TRIM62: variants seen among roughly 807,000 people sequenced by gnomAD.
TRIM62 encodes the protein E3 ubiquitin-protein ligase TRIM62.
A neutral mutation model predicts 44.2 loss-of-function variants in TRIM62; 39 were observed. The ratio of observed to expected loss-of-function variants is 0.88; its 90% CI spans 0.68 to 1.15. TRIM62 has a LOEUF of 1.15. Among genes scored for constraint, TRIM62 ranks in the 50% most tolerant of loss-of-function variants. The pLI, the probability that TRIM62 is intolerant of heterozygous loss-of-function variation, is 0.00. For missense variants in TRIM62, 544 were observed against 665.5 expected (o/e 0.82, Z 2.01); for synonymous variants, 278 against 292.3 (o/e 0.95, Z 0.50).
intron 1 of TRIM62, among the ~76,000 whole-genome samples, chr1:33,174,225 T>C (rs550594798): frequency 4.0e-5 from 6 of 151,848 alleles, no homozygotes; most frequent in Admixed American, 3.9e-4. Context: ...TTGCCCAGGC[T>C]GGCTGTAGTG....
intron 1 of TRIM62, among the ~76,000 whole-genome samples, chr1:33,178,261 G>A (rs747751820): frequency 6.6e-6 from 1 of 152,222 alleles, no homozygotes; most frequent in African/African-American, 2.4e-5. Flanking sequence ...ATCAGCTGCT[G>A]GGAGAGAAGG....
intron 1 of TRIM62, 72 bp downstream of exon 1, chr1:33,180,953 T>TGGGGGGGGG: frequency 2.8e-6 from 2 of 724,330 alleles, no homozygotes; most frequent in Non-Finnish European, 3.9e-6. Flanking sequence ...GGTCCAGCCC[T>TGGGGGGGGG]GACCCCACCC....
At chr1:33,153,607 C>A (rs1327619001) in intron 4 of TRIM62, among the ~76,000 whole-genome samples, 1 of 152,124 alleles carries the variant, frequency 6.6e-6, no homozygotes. Context: ...GTTGAGAAAC[C>A]CTGCACTGGG....
chr1:33,174,945 G>GTATATATATATATA lies in TRIM62; in HGVS notation c.408+6066_408+6079dup, dbSNP rs72310095. 1.6e-4 allele frequency among the ~76,000 whole-genome samples: 22 copies of GTATATATATATATA among 141,744 alleles called. No homozygotes were observed. The East Asian group carries it at 4.2e-3, about 27-fold the overall frequency. 93.0% of individuals were successfully genotyped at this position (141,744 alleles called of 152,430 possible). ...CACACACACACATACATATATGTGTGTATATATATATATATATATATATAC... is the reference window on the plus strand; with the variant it reads ...CACACACACACATACATATATGTGTGTATATATATATATATATATATATATATATATATATATAC... On this transcript the variant is annotated intron_variant, in intron 1 of 4. Transcript: ENST00000291416.
chr1:33,163,298 C>T (rs1645293992), intron 2 of TRIM62: 1 of 152,186 alleles, frequency 6.6e-6, no homozygotes, highest in South Asian at 2.1e-4. Context: ...CTCAGCCTCC[C>T]AAAGTGCTAG....
intron 4 of TRIM62, 93 bp downstream of exon 4, chr1:33,158,159 AC>A: frequency 8.6e-7 from 1 of 1,162,794 alleles, no homozygotes; most frequent in Non-Finnish European, 1.3e-6. Flanking sequence ...CTGCTCATTC[AC>A]CCCAACTGCC....
chr1:33,162,195 A>G (rs947840731), intron 2 of TRIM62, among the ~76,000 whole-genome samples: 1 of 152,136 alleles, frequency 6.6e-6, no homozygotes, highest in Non-Finnish European at 1.5e-5. Flanking sequence ...GCTCCTTGAC[A>G]CATAGTAAAA....
intron 1 of TRIM62, among the ~76,000 whole-genome samples, chr1:33,178,775 G>A (rs1645440150): frequency 6.6e-6 from 1 of 152,240 alleles, no homozygotes; most frequent in Non-Finnish European, 1.5e-5. Flanking sequence ...GAGTAAGCAA[G>A]TGGCAGTCCT....
chr1:33,158,095 T>C (rs1391709530), intron 4 of TRIM62, among the ~76,000 whole-genome samples, 158 bp downstream of exon 4: 1 of 152,172 alleles, frequency 6.6e-6, no homozygotes, highest in East Asian at 1.9e-4. Flanking sequence ...GCTGAGTGAT[T>C]GTGCAGGTGC....
chr1:33,166,590 C>G (rs756933881), intron 1 of TRIM62, among the ~76,000 whole-genome samples: 18 of 152,072 alleles, frequency 1.2e-4, no homozygotes, highest in Non-Finnish European at 2.5e-4. Flanking sequence ...GAAAAAGATA[C>G]AGAGAGGTCA....
intron 1 of TRIM62, among the ~76,000 whole-genome samples, chr1:33,173,919 G>A (rs995295012): frequency 1.3e-5 from 2 of 151,682 alleles, no homozygotes; most frequent in African/African-American, 4.8e-5. Context: ...GGATGGTCTC[G>A]AACTCCTAGC....
In TRIM62 at chr1:33,159,312, T is replaced by C. The variant is rs1052055265; in HGVS notation, c.761+376A>G. Among the ~76,000 whole-genome samples, 2 of 152,062 alleles carry C rather than the reference T, an allele frequency of 1.3e-5. No individual in the cohort carries two copies. Among genetic ancestry groups the C allele is most frequent in the African/African-American group, 4.8e-5 (2 of 41,412 alleles). On this transcript the variant is annotated intron_variant, in intron 3 of 4. Transcript: ENST00000291416. This position sits in a 1 kb window ranked among gnomAD's most constrained non-coding sequence, Gnocchi z 4.2. ...ATTTATATTATGATTGTAAACACTA[T>C]TAAATGCTACCTACTATCTATAATG...
At chr1:33,168,188 T>G (rs2124742780) in intron 1 of TRIM62, among the ~76,000 whole-genome samples, 1 of 152,210 alleles carries the variant, frequency 6.6e-6, no homozygotes, top group East Asian at 1.9e-4. Flanking sequence ...ACAAGCTGCT[T>G]GTTTTGAGAG....
intron 3 of TRIM62, among the ~76,000 whole-genome samples, chr1:33,158,665 A>G (rs1046210089): frequency 6.6e-6 from 1 of 152,198 alleles, no homozygotes; most frequent in Non-Finnish European, 1.5e-5. Context: ...GTCAATGCCA[A>G]ATTCATGATC....
intron 1 of TRIM62, among the ~76,000 whole-genome samples, chr1:33,173,995 G>A (rs950924477): frequency 4.0e-5 from 6 of 151,740 alleles, no homozygotes; most frequent in African/African-American, 1.5e-4. Flanking sequence ...ATAAGCCACT[G>A]TGCTTAGCCT....
At chr1:33,158,846 CT>C (rs568043864) in intron 3 of TRIM62, among the ~76,000 whole-genome samples, 80 of 145,450 alleles carry the variant, frequency 5.5e-4, no homozygotes, top group Non-Finnish European at 5.0e-4. Context: ...TCTTTTTTTT[CT>C]TTTTTTTTTT....
In TRIM62 at chr1:33,159,326, C is replaced by G. The variant is rs1435107954; in HGVS notation, c.761+362G>C. Among the ~76,000 whole-genome samples, 2 of 152,012 alleles carry G rather than the reference C, an allele frequency of 1.3e-5. No homozygotes were observed. The highest frequency in any genetic ancestry group is 2.9e-5 in the Non-Finnish European group (2 of 68,014). On this transcript the variant is annotated intron_variant, in intron 3 of 4. Coordinates refer to ENST00000291416, the MANE Select transcript of TRIM62 (RefSeq NM_018207.3). This position sits in a 1 kb window ranked among gnomAD's most constrained non-coding sequence, Gnocchi z 4.2. ...TGTAAACACTATTAAATGCTACCTA[C>G]TATCTATAATGTATACAGAATATAT...
At position 33,145,947 on chromosome 1, in the gene TRIM62, T is replaced by C. The variant is rs1441570639; in HGVS notation, c.*1230A>G. 2.1e-6 allele frequency: 1 copy of C among 470,866 alleles called. No homozygotes were observed. The highest frequency in any genetic ancestry group is 4.4e-6 in the Non-Finnish European group (1 of 226,950). 29.2% of individuals were successfully genotyped at this position (470,866 alleles called of 1,614,324 possible). On this transcript the variant is annotated 3_prime_UTR_variant, in exon 5 of 5. Transcript: ENST00000291416. ...CCAAACAGAATCTCTTGTAAAAATT[T>C]AGATTTGGGAACTGAGTGAAGTGGG...
intron 4 of TRIM62, among the ~76,000 whole-genome samples, chr1:33,149,114 T>C (rs1459267240): frequency 6.6e-6 from 1 of 152,182 alleles, no homozygotes; most frequent in Non-Finnish European, 1.5e-5. Context: ...CCAGCAGATG[T>C]GCTCGTTCTG....
Sources: allele counts gnomAD v4.1 joint callset (sites outside exome capture counted in the v4.1 genomes callset), GRCh38; gene constraint gnomAD v4.1.1; non-coding constraint Gnocchi (gnomAD v3.1); transcripts MANE v1.5; gene names NCBI Gene and HGNC (gene_info 2026-07-23, HGNC 2026-07-21).